CMC1: variants seen among roughly 807,000 people sequenced by gnomAD.
CMC1 encodes COX assembly mitochondrial protein homolog.
CMC1 carries 14 observed loss-of-function variants against 14.1 expected under a neutral mutation model. The observed-to-expected ratio is 0.99, with a 90% CI of 0.66 to 1.55. The LOEUF is 1.55. CMC1 is among the 40% of genes most tolerant of loss of function. The probability of loss-of-function intolerance (pLI) is 0.00; values close to 1 mark genes in which losing one functional copy is unlikely to be tolerated. For synonymous variants in CMC1, 50 were observed against 38.4 expected, an observed-to-expected ratio of 1.30 and a Z score of -1.12; for missense variants, 127 against 123.8, an observed-to-expected ratio of 1.03 and a Z score of -0.12.
chr3:28,253,339 G>A (rs927221108), intron 1 of CMC1, among the ~76,000 whole-genome samples: 31 of 152,298 alleles, frequency 2.0e-4, no homozygotes, highest in African/African-American at 6.7e-4. Flanking sequence ...GCATTGGGGA[G>A]GCTGAAGTGG....
At chr3:28,269,594 C>G (rs962099349) in intron 2 of CMC1, among the ~76,000 whole-genome samples, 2 of 151,324 alleles carry the variant, frequency 1.3e-5, no homozygotes, top group African/African-American at 4.9e-5. Context: ...GAAACCGAGT[C>G]TCTCTCTGTT....
At chr3:28,291,246 G>T (rs1049469807) in intron 2 of CMC1, among the ~76,000 whole-genome samples, 1 of 152,082 alleles carries the variant, frequency 6.6e-6, no homozygotes, top group African/African-American at 2.4e-5. Context: ...AATGGGAGGG[G>T]TGACATGGAC....
At chr3:28,289,192 CGAT>C (rs1170627592) in intron 2 of CMC1, among the ~76,000 whole-genome samples, 4 of 151,474 alleles carry the variant, frequency 2.6e-5, no homozygotes, top group East Asian at 3.9e-4. Context: ...AGAAAAGTCT[CGAT>C]GAGTGCTCTA....
chr3:28,285,364 G>A (rs1701115876), intron 2 of CMC1, among the ~76,000 whole-genome samples: 2 of 151,818 alleles, frequency 1.3e-5, no homozygotes, highest in South Asian at 4.1e-4. Flanking sequence ...ACATATTGTA[G>A]TATGAGATAA....
intron 1 of CMC1, among the ~76,000 whole-genome samples, chr3:28,246,575 C>T (rs1325078992): frequency 6.6e-6 from 1 of 152,136 alleles, no homozygotes; most frequent in African/African-American, 2.4e-5. Flanking sequence ...ATCTCAGCCA[C>T]ATACTGCATA....
rs1030121511 is a variant in CMC1, at chr3:28,308,938, A to C, written c.110-7395A>C. On this transcript the variant is annotated intron_variant, in intron 2 of 3. Transcript: ENST00000466830. ...GCGGAGGTTGCAGTGAGCCAAGATC[A>C]TGCCACTGCACTCCAGCCCGGCGAC... 7.9e-5 allele frequency among the ~76,000 whole-genome samples: 12 copies of C among 151,966 alleles called. No individual in the cohort carries two copies. The East Asian group carries it at 1.7e-3, about 22-fold the overall frequency.
At chr3:28,309,952 C>G (rs1702552533) in intron 2 of CMC1, among the ~76,000 whole-genome samples, 1 of 134,414 alleles carries the variant, frequency 7.4e-6, no homozygotes, top group Non-Finnish European at 1.6e-5. Flanking sequence ...CACACACACA[C>G]ACACACACAC....
Position 28,259,221 on chromosome 3 carries a change from T to A in CMC1, c.20-4070T>A, listed in dbSNP as rs535310095. Among the ~76,000 whole-genome samples, 6 of 152,130 alleles carry A rather than the reference T, an allele frequency of 3.9e-5. No homozygotes were observed. In the South Asian group the frequency reaches 1.2e-3, roughly 32 times the overall value. On this transcript the variant is annotated intron_variant, in intron 1 of 3. Transcript: ENST00000466830. ...ATGTACCTGCCTTCTTCCCTTTCCC[T>A]AATGATGCTATCTTACATAACCATG...
chr3:28,274,215 T>TTTTTG (rs1252205036), intron 2 of CMC1, among the ~76,000 whole-genome samples: 2 of 124,796 alleles, frequency 1.6e-5, no homozygotes, highest in African/African-American at 6.8e-5. Flanking sequence ...TGTTTTTGTT[T>TTTTTG]TTTTCTTTTT....
chr3:28,301,745 G>T (rs933148307), intron 2 of CMC1, among the ~76,000 whole-genome samples: 1 of 151,998 alleles, frequency 6.6e-6, no homozygotes, highest in Admixed American at 6.5e-5. Flanking sequence ...TAATAGTCTG[G>T]AAATCACATA....
chr3:28,244,001 G>C (rs143751277), intron 1 of CMC1, among the ~76,000 whole-genome samples: 1 of 152,172 alleles, frequency 6.6e-6, no homozygotes, highest in Non-Finnish European at 1.5e-5. Flanking sequence ...TTGGCCATCA[G>C]GTAGCAAATA....
chr3:28,321,134 G>A lies in CMC1; in HGVS notation c.*1505G>A, dbSNP rs1703174159. On this transcript the variant is annotated 3_prime_UTR_variant, in exon 4 of 4. Coordinates refer to ENST00000466830, the MANE Select transcript of CMC1 (RefSeq NM_182523.2). ...CATTTTCCCAGGCCACAGATCAAAA[G>A]GAGGGAGATTACTAGAGCAGACAAA... is the stretch of plus-strand genomic sequence containing the variant. The A allele has an allele frequency of 2.6e-5, 4 of 151,342 alleles. No homozygotes were observed. The highest frequency in any genetic ancestry group is 2.1e-4 in the South Asian group (1 of 4,830). The allele number at this position is 151,342 out of a possible 1,614,324, so 9.4% of individuals were successfully genotyped here. A position where few individuals can be genotyped will look rare whatever the true frequency, so the allele number is the denominator to read the frequency against.
At chr3:28,301,337 A>G (rs961335566) in intron 2 of CMC1, among the ~76,000 whole-genome samples, 6 of 152,076 alleles carry the variant, frequency 3.9e-5, no homozygotes, top group African/African-American at 1.4e-4. Context: ...CTCCCACCTC[A>G]GCCTCCCAAG....
intron 2 of CMC1, among the ~76,000 whole-genome samples, chr3:28,307,864 G>C (rs1455472751): frequency 6.6e-6 from 1 of 152,184 alleles, no homozygotes; most frequent in Non-Finnish European, 1.5e-5. Flanking sequence ...CAAGGTGTTA[G>C]CAGAGCTGTG....
chr3:28,289,380 A>G (rs1701354728), intron 2 of CMC1, among the ~76,000 whole-genome samples: 1 of 152,044 alleles, frequency 6.6e-6, no homozygotes, highest in East Asian at 1.9e-4. Context: ...TAAATTATTT[A>G]TTAAAAGATA....
intron 2 of CMC1, among the ~76,000 whole-genome samples, chr3:28,310,230 A>C (rs773509376): frequency 1.4e-4 from 21 of 152,078 alleles, no homozygotes; most frequent in Non-Finnish European, 2.8e-4. Context: ...GCAGGTATCA[A>C]CTCAACTGTT....
chr3:28,302,257 G>A (rs1231275152), intron 2 of CMC1, among the ~76,000 whole-genome samples: 1 of 152,180 alleles, frequency 6.6e-6, no homozygotes, highest in East Asian at 1.9e-4. Context: ...TTGTGTAAGT[G>A]ATGAGAGAAG....
At chr3:28,247,464 A>T (rs1698885489) in intron 1 of CMC1, among the ~76,000 whole-genome samples, 1 of 152,150 alleles carries the variant, frequency 6.6e-6, no homozygotes, top group Non-Finnish European at 1.5e-5. Flanking sequence ...GAGGCAAGGG[A>T]GCTGGGCTTT....
intron 2 of CMC1, among the ~76,000 whole-genome samples, chr3:28,286,778 C>G (rs1447623868): frequency 1.3e-5 from 2 of 152,082 alleles, no homozygotes; most frequent in African/African-American, 4.8e-5. Context: ...GATTGAAGCT[C>G]AGTTGCCCTC....
Sources: allele counts gnomAD v4.1 joint callset (sites outside exome capture counted in the v4.1 genomes callset), GRCh38; gene constraint gnomAD v4.1.1; transcripts MANE v1.5; gene names NCBI Gene and HGNC (gene_info 2026-07-23, HGNC 2026-07-21).